LRRC4C: variants seen among roughly 807,000 people sequenced by gnomAD.
LRRC4C encodes leucine rich repeat containing 4C.
In LRRC4C, 5 loss-of-function variants were observed where a neutral mutation model predicts 33.6. The observed-to-expected ratio is 0.15, with a 90% CI of 0.08 to 0.31. The LOEUF is 0.31. Ranked by LOEUF, LRRC4C falls within the 10% of genes least tolerant of loss-of-function variation. The pLI, the probability that LRRC4C is intolerant of heterozygous loss-of-function variation, is 1.00. For synonymous variants in LRRC4C, 329 were observed against 302.0 expected, an observed-to-expected ratio of 1.09 and a Z score of -0.93; for missense variants, 560 against 796.7, an observed-to-expected ratio of 0.70 and a Z score of 3.58.
intron 1 of LRRC4C, among the ~76,000 whole-genome samples, chr11:40,974,573 C>T (rs1008362967): frequency 6.6e-6 from 1 of 152,162 alleles, no homozygotes. Flanking sequence ...AAAGTTCAAG[C>T]TTGTCAATAT....
At chr11:40,330,456 T>C (rs1438375782) in intron 3 of LRRC4C, among the ~76,000 whole-genome samples, 1 of 152,208 alleles carries the variant, frequency 6.6e-6, no homozygotes, top group African/African-American at 2.4e-5. Context: ...ACTGATTATT[T>C]CTTTATGTTG....
At chr11:40,917,216 G>T (rs1251487412) in intron 2 of LRRC4C, among the ~76,000 whole-genome samples, 3 of 152,108 alleles carry the variant, frequency 2.0e-5, no homozygotes, top group Non-Finnish European at 4.4e-5. Flanking sequence ...AATCCAGTCA[G>T]TTTTTTCCTT....
At chr11:40,348,100 C>T (rs1947217531) in intron 3 of LRRC4C, among the ~76,000 whole-genome samples, 1 of 151,936 alleles carries the variant, frequency 6.6e-6, no homozygotes, top group Non-Finnish European at 1.5e-5. Flanking sequence ...AAAACAATTA[C>T]AATAGTAACA....
intron 1 of LRRC4C, among the ~76,000 whole-genome samples, chr11:41,353,115 A>C (rs1952038789): frequency 6.6e-6 from 1 of 152,088 alleles, no homozygotes; most frequent in East Asian, 1.9e-4. Context: ...AATAAATAAG[A>C]TGGATAGGCT....
intron 1 of LRRC4C, among the ~76,000 whole-genome samples, chr11:40,976,243 CTGACT>C (rs1852076805): frequency 1.3e-5 from 2 of 152,216 alleles, no homozygotes; most frequent in South Asian, 4.1e-4. Context: ...AGGATGTGAA[CTGACT>C]TAGCAATGCT....
chr11:41,182,877 T>C (rs1945515914), intron 1 of LRRC4C, among the ~76,000 whole-genome samples: 1 of 149,758 alleles, frequency 6.7e-6, no homozygotes, highest in South Asian at 2.1e-4. Context: ...TTAATGTACT[T>C]AGAGTTCCAC....
intron 2 of LRRC4C, among the ~76,000 whole-genome samples, chr11:40,874,117 A>G (rs1954773088): frequency 6.6e-6 from 1 of 152,216 alleles, no homozygotes; most frequent in South Asian, 2.1e-4. Context: ...ATATTGGAAC[A>G]TGGTTTTTCC....
chr11:41,116,226 C>T (rs866388752), intron 1 of LRRC4C, among the ~76,000 whole-genome samples: 14 of 152,082 alleles, frequency 9.2e-5, no homozygotes, highest in African/African-American at 3.4e-4. Flanking sequence ...GTCCCAGCTC[C>T]ACCATATGCA....
chr11:40,697,941 G>A (rs1240153164), intron 2 of LRRC4C, among the ~76,000 whole-genome samples: 3 of 151,670 alleles, frequency 2.0e-5, no homozygotes, highest in African/African-American at 4.8e-5. Context: ...GGTGGCGGGC[G>A]CCTGTAGTCC....
chr11:40,967,401 A>C (rs1406837048), intron 1 of LRRC4C, among the ~76,000 whole-genome samples: 21 of 152,060 alleles, frequency 1.4e-4, no homozygotes, highest in Admixed American at 1.4e-3. Flanking sequence ...TACTATGTCC[A>C]GGCACAATTC....
chr11:41,014,740 A>G (rs1855459962), intron 1 of LRRC4C, among the ~76,000 whole-genome samples: 1 of 152,140 alleles, frequency 6.6e-6, no homozygotes, highest in Admixed American at 6.5e-5. Flanking sequence ...TGTAAGGTAA[A>G]TAATCATTCT....
At chr11:40,940,226 A>C (rs929019865) in intron 1 of LRRC4C, among the ~76,000 whole-genome samples, 3 of 152,226 alleles carry the variant, frequency 2.0e-5, no homozygotes, top group Admixed American at 6.6e-5. Context: ...TTGTTGTGAG[A>C]ATTAAATTTT....
intron 2 of LRRC4C, among the ~76,000 whole-genome samples, chr11:40,746,948 C>T (rs1159934720): frequency 3.3e-5 from 5 of 152,336 alleles, no homozygotes; most frequent in Non-Finnish European, 5.9e-5. Flanking sequence ...TCACCCGTGC[C>T]TCACCAGCTG....
chr11:40,343,473 G>C (rs1296060079), intron 3 of LRRC4C, among the ~76,000 whole-genome samples: 1 of 151,972 alleles, frequency 6.6e-6, no homozygotes, highest in Non-Finnish European at 1.5e-5. Context: ...TATAAGCATA[G>C]TACCTGATGG....
chr11:40,226,967 T>G (rs1168955327), intron 5 of LRRC4C, among the ~76,000 whole-genome samples: 1 of 152,176 alleles, frequency 6.6e-6, no homozygotes, highest in Admixed American at 6.5e-5. Context: ...ACATCATTCA[T>G]TAATTAAATC....
chr11:41,015,611 G>C (rs1855525653), intron 1 of LRRC4C, among the ~76,000 whole-genome samples: 1 of 152,164 alleles, frequency 6.6e-6, no homozygotes, highest in African/African-American at 2.4e-5. Context: ...ACTGAGCCGG[G>C]CCTGATAATC....
At chr11:40,876,689 G>A (rs1282551112) in intron 2 of LRRC4C, among the ~76,000 whole-genome samples, 1 of 151,936 alleles carries the variant, frequency 6.6e-6, no homozygotes, top group Non-Finnish European at 1.5e-5. Flanking sequence ...CAGATCATGA[G>A]GTCAGGAGAT....
chr11:40,429,588 A>G (rs1950842639), intron 3 of LRRC4C, among the ~76,000 whole-genome samples: 1 of 152,028 alleles, frequency 6.6e-6, no homozygotes, highest in South Asian at 2.1e-4. Flanking sequence ...ACAAAACAAA[A>G]CATGTAAGGG....
intron 2 of LRRC4C, among the ~76,000 whole-genome samples, chr11:40,782,317 G>T (rs1219355125): frequency 1.3e-5 from 2 of 152,076 alleles, no homozygotes; most frequent in Non-Finnish European, 2.9e-5. Context: ...CCTAATATAT[G>T]TTGCTACATT....
Sources: allele counts gnomAD v4.1 joint callset (sites outside exome capture counted in the v4.1 genomes callset), GRCh38; gene constraint gnomAD v4.1.1; transcripts MANE v1.5; gene names NCBI Gene and HGNC (gene_info 2026-07-23, HGNC 2026-07-21).